The following PDGFRL variants were observed in gnomAD, a reference collection of about 807,000 sequenced individuals.
PDGFRL encodes platelet derived growth factor receptor like.
In PDGFRL, 46 loss-of-function variants were observed where a neutral mutation model predicts 37.2. The ratio of observed to expected loss-of-function variants is 1.24; its 90% CI spans 0.98 to 1.58. The LOEUF (loss-of-function observed/expected upper bound fraction) is 1.58. Ranked by LOEUF, PDGFRL falls within the 40% of genes most tolerant of loss-of-function variation. The pLI is 0.00. For synonymous variants in PDGFRL, 251 were observed against 184.3 expected (o/e 1.36, Z -2.93); for missense variants, 692 against 467.6 (o/e 1.48, Z -4.43).
At chr8:17,620,455 C>A (rs1301504853) in intron 2 of PDGFRL, among the ~76,000 whole-genome samples, 1 of 149,632 alleles carries the variant, frequency 6.7e-6, no homozygotes, top group East Asian at 1.9e-4. Flanking sequence ...TTACCTCCTC[C>A]CCTCCTGCAC....
chr8:17,628,842 G>C (rs1804795768), intron 4 of PDGFRL, 62 bp downstream of exon 4: 11 of 1,111,614 alleles, frequency 9.9e-6, no homozygotes, highest in African/African-American at 3.1e-5. Flanking sequence ...AGGTACTGCT[G>C]TTCCCTGCCT....
chr8:17,625,557 C>A (rs7834936), intron 3 of PDGFRL, among the ~76,000 whole-genome samples: 418 of 152,144 alleles, frequency 2.7e-3, no homozygotes, highest in African/African-American at 9.3e-3. Flanking sequence ...CATGTGTAAT[C>A]TATAATTATT....
chr8:17,620,765 C>A (rs574833367), intron 2 of PDGFRL, among the ~76,000 whole-genome samples: 1 of 152,044 alleles, frequency 6.6e-6, no homozygotes, highest in Non-Finnish European at 1.5e-5. Context: ...CGCTGAAAAG[C>A]CGAATAATCC....
intron 1 of PDGFRL, among the ~76,000 whole-genome samples, chr8:17,582,206 C>T (rs1030161944): frequency 6.6e-6 from 1 of 152,054 alleles, no homozygotes; most frequent in Non-Finnish European, 1.5e-5. Context: ...TTTGGAAGGC[C>T]ACACTTAAGA....
chr8:17,642,046 G>T lies in PDGFRL; in HGVS notation c.940-567G>T, dbSNP rs530897781. Among the ~76,000 whole-genome samples, 239 of 152,182 alleles carry T rather than the reference G, an allele frequency of 1.6e-3. 1 individual carries two copies. The highest frequency in any genetic ancestry group is 5.5e-3 in the African/African-American group (230 of 41,510). ...GTGACCATCGCACTTTGTAGAAATA[G>T]GGGTCCTGTCATGTAGTACATTATC... is the stretch of plus-strand genomic sequence containing the variant. On this transcript the variant is annotated intron_variant, in intron 5 of 5. Coordinates refer to ENST00000251630, the MANE Select transcript of PDGFRL (RefSeq NM_001372073.1).
chr8:17,593,218 G>A (rs1306170149), intron 2 of PDGFRL, among the ~76,000 whole-genome samples: 1 of 151,866 alleles, frequency 6.6e-6, no homozygotes, highest in East Asian at 1.9e-4. Flanking sequence ...TGGATATTCT[G>A]CTTGGAAGAA....
chr8:17,585,372 G>C (rs1803793448), intron 1 of PDGFRL, among the ~76,000 whole-genome samples: 1 of 151,950 alleles, frequency 6.6e-6, no homozygotes, highest in Admixed American at 6.6e-5. Flanking sequence ...AGTCTCTCTG[G>C]TTCGAATCTC....
chr8:17,635,415 A>G (rs890848130), intron 5 of PDGFRL, among the ~76,000 whole-genome samples: 4 of 152,172 alleles, frequency 2.6e-5, no homozygotes, highest in African/African-American at 9.7e-5. Context: ...AATTACTTCA[A>G]TTAGAATAAT....
rs145072413 is a variant in PDGFRL at position 17,628,643 on chromosome 8, C to T, written c.662C>T (p.Thr221Met). 6.8e-6 allele frequency: 11 copies of T among 1,614,056 alleles called. No homozygotes were observed. Among genetic ancestry groups the T allele is most frequent in the East Asian group, 6.7e-5 (3 of 44,872 alleles). The change falls in exon 4 of 6, where the codon ACG becomes ATG. Residue 221 changes from threonine (T) to methionine (M), a missense_variant. Physicochemically the swap from Thr to Met is moderately conservative, Grantham distance 81 (BLOSUM62 -1). Coordinates refer to ENST00000251630, the MANE Select transcript of PDGFRL (RefSeq NM_001372073.1). The part of the protein sequence containing the change: ...FPAKEIPANG[T>M]DIVYDMKRGF... ...GCCAAGGAGATCCCAGCCAATGGAA[C>T]GGACATTGTTTATGACATGAAGCGG... is the stretch of plus-strand genomic sequence containing the variant.
At chr8:17,581,465 A>T (rs912245608) in intron 1 of PDGFRL, among the ~76,000 whole-genome samples, 1 of 152,128 alleles carries the variant, frequency 6.6e-6, no homozygotes, top group East Asian at 1.9e-4. Context: ...TTTCAAAGGT[A>T]GGTGCTATGG....
At chr8:17,620,600 G>C (rs1425090540) in intron 2 of PDGFRL, among the ~76,000 whole-genome samples, 1 of 152,098 alleles carries the variant, frequency 6.6e-6, no homozygotes, top group African/African-American at 2.4e-5. Flanking sequence ...CTCATTCCTT[G>C]AGTTTTGACA....
At chr8:17,604,591 G>T (rs182378475) in intron 2 of PDGFRL, among the ~76,000 whole-genome samples, 5 of 152,062 alleles carry the variant, frequency 3.3e-5, no homozygotes, top group African/African-American at 4.8e-5. Flanking sequence ...GTTGTGGGGT[G>T]GGGGGATGGG....
intron 1 of PDGFRL, among the ~76,000 whole-genome samples, chr8:17,588,160 G>A (rs984905422): frequency 2.0e-5 from 3 of 152,090 alleles, no homozygotes; most frequent in Non-Finnish European, 4.4e-5. Context: ...TCTCAACAAT[G>A]TTGGTGATAA....
chr8:17,633,746 C>T (rs1804908298), intron 4 of PDGFRL, among the ~76,000 whole-genome samples: 2 of 152,298 alleles, frequency 1.3e-5, no homozygotes, highest in Admixed American at 6.5e-5. Context: ...TTCCTCCCTG[C>T]TTCTTCCCTA....
At chr8:17,632,693 A>C (rs759463932) in intron 4 of PDGFRL, among the ~76,000 whole-genome samples, 1 of 152,052 alleles carries the variant, frequency 6.6e-6, no homozygotes, top group Non-Finnish European at 1.5e-5. Flanking sequence ...ACAAAGTCCA[A>C]ATCCTTTGCG....
intron 1 of PDGFRL, among the ~76,000 whole-genome samples, chr8:17,579,961 A>C (rs1269833382): frequency 6.6e-6 from 1 of 152,168 alleles, no homozygotes; most frequent in Non-Finnish European, 1.5e-5. Context: ...CATGCCACCG[A>C]GTTTATTAAT....
rs566170470 is a variant in PDGFRL, at chr8:17,592,512, C to T, written c.353+2747C>T. On this transcript the variant is annotated intron_variant, in intron 2 of 5. Coordinates refer to ENST00000251630, the MANE Select transcript of PDGFRL (RefSeq NM_001372073.1). ...CCAGCATCCTCATATGGCAGTGAAG[C>T]CCTCGCTGACCTCTGCCGTCCTCTG... is the stretch of plus-strand genomic sequence containing the variant. Among the ~76,000 whole-genome samples the T allele has an allele frequency of 1.3e-4, 20 of 152,282 alleles. No individual in the cohort carries two copies. The South Asian group carries it at 3.7e-3, about 28-fold the overall frequency.
chr8:17,622,735 G>A (rs1239452534), intron 3 of PDGFRL, among the ~76,000 whole-genome samples: 1 of 152,182 alleles, frequency 6.6e-6, no homozygotes, highest in East Asian at 1.9e-4. Flanking sequence ...GAGGGGTCCT[G>A]AAAGCAGGTT....
At chr8:17,632,568 C>G (rs985390404) in intron 4 of PDGFRL, among the ~76,000 whole-genome samples, 1 of 152,190 alleles carries the variant, frequency 6.6e-6, no homozygotes, top group Non-Finnish European at 1.5e-5. Context: ...AACTCCTGAC[C>G]TCAGGTGATC....
Sources: gnomAD v4.1 joint callset for allele counts (sites outside exome capture counted in the v4.1 genomes callset) on GRCh38, gnomAD v4.1.1 for gene constraint, MANE v1.5 for transcripts, NCBI Gene and HGNC (gene_info 2026-07-23, HGNC 2026-07-21) for gene names.